Variants in CPD observed in about 807,000 individuals in gnomAD.
CPD encodes metallocarboxypeptidase D.
A neutral mutation model predicts 138.3 loss-of-function variants in CPD; 69 were observed. The ratio of observed to expected loss-of-function variants is 0.50; its 90% CI spans 0.41 to 0.61. The LOEUF (loss-of-function observed/expected upper bound fraction) is 0.61. CPD is among the 20% of genes least tolerant of loss of function. The pLI is 0.00. For synonymous variants in CPD, 651 were observed against 642.1 expected (o/e 1.01, Z -0.21); for missense variants, 1,432 against 1,733.3 (o/e 0.83, Z 3.09).
At chr17:30,441,932 A>G (rs1178626010) in intron 9 of CPD, among the ~76,000 whole-genome samples, 1 of 149,840 alleles carries the variant, frequency 6.7e-6, no homozygotes, top group Admixed American at 6.7e-5. Flanking sequence ...TCATAAAATG[A>G]GTTAGGGAGG....
chr17:30,469,702 A>C lies in CPD; in HGVS notation c.*4888A>C, dbSNP rs1032968309. ...GTCTAAAGCATGGCAGTAAAGTTTT[A>C]ATTATGCCAAGATGCTTCATATTTG... On this transcript the variant is annotated 3_prime_UTR_variant, in exon 21 of 21. Coordinates refer to ENST00000225719, the MANE Select transcript of CPD (RefSeq NM_001304.5). The C allele has an allele frequency of 3.3e-5, 5 of 152,216 alleles. No homozygotes were observed. Among genetic ancestry groups the C allele is most frequent in the Non-Finnish European group, 7.4e-5 (5 of 68,024 alleles). The allele number at this position is 152,216 out of a possible 1,614,324, so 9.4% of individuals were successfully genotyped here.
chr17:30,408,703 T>C (rs916072517), intron 2 of CPD, among the ~76,000 whole-genome samples: 40 of 152,214 alleles, frequency 2.6e-4, no homozygotes, highest in African/African-American at 9.7e-4. Flanking sequence ...TAAGGAGATT[T>C]GGGGCTGAGA....
At chr17:30,384,226 TG>T (rs1433701505) in intron 1 of CPD, among the ~76,000 whole-genome samples, 2 of 152,204 alleles carry the variant, frequency 1.3e-5, no homozygotes, top group African/African-American at 4.8e-5. Context: ...TTTCTTTGTT[TG>T]TTTTTTTCCT....
intron 2 of CPD, among the ~76,000 whole-genome samples, chr17:30,413,066 C>T (rs1912009517): frequency 6.6e-6 from 1 of 152,152 alleles, no homozygotes; most frequent in Admixed American, 6.5e-5. Context: ...GTTTTGCTTC[C>T]TCACCAAGAC....
intron 1 of CPD, among the ~76,000 whole-genome samples, chr17:30,380,050 A>G (rs1911000447): frequency 6.6e-6 from 1 of 152,242 alleles, no homozygotes; most frequent in Non-Finnish European, 1.5e-5. Context: ...CAGCTCACAC[A>G]TTTTATAGAT....
chr17:30,393,849 G>A (rs1911421225), intron 2 of CPD, among the ~76,000 whole-genome samples: 1 of 152,152 alleles, frequency 6.6e-6, no homozygotes, highest in South Asian at 2.1e-4. Context: ...AAGATACACA[G>A]GTAAAATAGG....
At position 30,396,580 on chromosome 17, in the gene CPD, C is replaced by T. The variant is rs184476086; in HGVS notation, c.994+11344C>T. ...TAAGAGACTTGTTTCCTAATCAAGA[C>T]GGATTGAGTATCTTAAAACACATGA... On this transcript the variant is annotated intron_variant, in intron 2 of 20. Transcript: ENST00000225719. 5.3e-5 allele frequency among the ~76,000 whole-genome samples: 8 copies of T among 152,244 alleles called. No individual in the cohort carries two copies. In the South Asian group the frequency reaches 1.2e-3, roughly 24 times the overall value.
chr17:30,400,973 G>A (rs1357685247), intron 2 of CPD, among the ~76,000 whole-genome samples: 2 of 151,792 alleles, frequency 1.3e-5, no homozygotes, highest in Non-Finnish European at 2.9e-5. Flanking sequence ...CACTGCACCC[G>A]GCCTTGCCAT....
intron 2 of CPD, among the ~76,000 whole-genome samples, chr17:30,400,642 T>A (rs1370180552): frequency 1.4e-5 from 2 of 144,702 alleles, no homozygotes; most frequent in African/African-American, 5.1e-5. Context: ...ATGTGTATTT[T>A]GCCATCATTC....
intron 2 of CPD, among the ~76,000 whole-genome samples, chr17:30,413,131 A>G (rs550006575): frequency 8.2e-4 from 125 of 152,366 alleles, no homozygotes; most frequent in African/African-American, 2.9e-3. Context: ...TAGTCTTAGT[A>G]TAATCCCTTA....
intron 2 of CPD, among the ~76,000 whole-genome samples, chr17:30,400,370 C>T (rs75171297): frequency 0.027 from 4,071 of 152,172 alleles, 188 homozygotes; most frequent in African/African-American, 0.093. Flanking sequence ...TTATGTTGTA[C>T]TTAACTTATA....
At position 30,462,378 on chromosome 17, in the gene CPD, G is replaced by T; in HGVS notation, c.3825G>T (p.Val1275=). Residue 1275 remains valine (V), a synonymous_variant, in exon 20 of 21, where the codon GTG becomes GTT. Transcript: ENST00000225719. ...GYQQQHSQVF[V]HHDAASSVVI... is the part of the protein sequence containing the mutation. Reference sequence around the variant, plus strand: ...ACACTTTCTCCTTCTAGGTCTTTGTGCATCATGATGCAGCTAGTTCTGTGG... The same window carrying T: ...ACACTTTCTCCTTCTAGGTCTTTGTTCATCATGATGCAGCTAGTTCTGTGG... 6.2e-7 allele frequency: 1 copy of T among 1,613,296 alleles called. No homozygotes were observed. The highest frequency in any genetic ancestry group is 8.5e-7 in the Non-Finnish European group (1 of 1,179,456).
rs750240208 is a variant in CPD, at chr17:30,427,455, A to G, written c.1914A>G (p.Pro638=). ...ACTTTGACCTGAACCGAAATTTCCC[A>G]GACCAGTTTGTTCAGATCACAGATC... ...SNNFDLNRNF[P]DQFVQITDPT... The change falls in exon 7 of 21, where the codon CCA becomes CCG. Residue 638 remains proline, a synonymous_variant. Coordinates refer to ENST00000225719, the MANE Select transcript of CPD (RefSeq NM_001304.5). 18 of 1,614,160 alleles carry G rather than the reference A, an allele frequency of 1.1e-5. No homozygotes were observed. The highest frequency in any genetic ancestry group is 1.4e-5 in the Non-Finnish European group (16 of 1,180,006).
intron 9 of CPD, among the ~76,000 whole-genome samples, 185 bp downstream of exon 9, chr17:30,439,262 A>C (rs1175768304): frequency 6.6e-6 from 1 of 152,122 alleles, no homozygotes; most frequent in Admixed American, 6.5e-5. Flanking sequence ...TTGAGGGTTG[A>C]GTAAGAATAA....
chr17:30,427,651 TA>T, intron 7 of CPD, 93 bp downstream of exon 7: 1 of 1,113,336 alleles, frequency 9.0e-7, no homozygotes, highest in Admixed American at 2.0e-5. Context: ...TATGCTTTCT[TA>T]AAATGAGTAT....
At chr17:30,425,973 G>A (rs1433194701) in intron 6 of CPD, among the ~76,000 whole-genome samples, 1 of 152,000 alleles carries the variant, frequency 6.6e-6, no homozygotes, top group Admixed American at 6.5e-5. Flanking sequence ...GGCCAAGGTG[G>A]GTGGATCACG....
In CPD at chr17:30,389,152, TG is replaced by T. The variant is rs1165901662; in HGVS notation, c.994+3922del. 3.3e-5 allele frequency among the ~76,000 whole-genome samples: 5 copies of T among 152,106 alleles called. No homozygotes were observed. The East Asian group carries it at 9.6e-4, about 29-fold the overall frequency. On this transcript the variant is annotated intron_variant, in intron 2 of 20. Coordinates refer to ENST00000225719, the MANE Select transcript of CPD (RefSeq NM_001304.5). The stretch of plus-strand genomic sequence containing the variant: ...CGGCAGCCCCCAGGGCAGCGGGCTC[TG>T]GGGGGTGGCAGCGGGCTGTGGGGGG...
rs1913593153 is a variant in CPD at position 30,464,880 on chromosome 17, A to C, written c.*66A>C. On this transcript the variant is annotated 3_prime_UTR_variant, in exon 21 of 21. Transcript: ENST00000225719. Reference sequence around the variant, plus strand: ...AAATTACAGTTCCTCTTGGGAGAACACTGCATTAAGAAGAGAGACTCTCTT... The same window carrying C: ...AAATTACAGTTCCTCTTGGGAGAACCCTGCATTAAGAAGAGAGACTCTCTT... 4 of 1,242,760 alleles carry C rather than the reference A, an allele frequency of 3.2e-6. No homozygotes were observed. Among genetic ancestry groups the C allele is most frequent in the Non-Finnish European group, 4.7e-6 (4 of 850,950 alleles). The allele number at this position is 1,242,760 out of a possible 1,614,324, so 77.0% of individuals were successfully genotyped here.
At chr17:30,447,788 C>T (rs917065901) in intron 12 of CPD, among the ~76,000 whole-genome samples, 2 of 152,156 alleles carry the variant, frequency 1.3e-5, no homozygotes. Flanking sequence ...CTGAGATAGC[C>T]TTTACCTTCA....
Sources: allele counts gnomAD v4.1 joint callset (sites outside exome capture counted in the v4.1 genomes callset), GRCh38; gene constraint gnomAD v4.1.1; transcripts MANE v1.5; gene names NCBI Gene and HGNC (gene_info 2026-07-23, HGNC 2026-07-21).